The following AFG2A variants were observed in gnomAD, a reference collection of about 807,000 sequenced individuals.
AFG2A encodes ATPase family gene 2 protein homolog A.
chr4:122,983,760 A>G, the AFG2A span, among the ~76,000 whole-genome samples: 1 of 152,148 alleles, frequency 6.6e-6, no homozygotes. Flanking sequence ...TGTGCACTTG[A>G]AAAGAATATG....
chr4:123,141,346 C>T, the AFG2A span, among the ~76,000 whole-genome samples: 10 of 152,158 alleles, frequency 6.6e-5, no homozygotes, highest in Middle Eastern at 3.4e-3. Context: ...GCCTGTAGTC[C>T]CAGCTACTCA....
chr4:123,259,363 G>A, the AFG2A span, among the ~76,000 whole-genome samples: 1 of 152,120 alleles, frequency 6.6e-6, no homozygotes, highest in African/African-American at 2.4e-5. Flanking sequence ...AAACACTTTT[G>A]TAAGCCTCAG....
At chr4:123,309,359 T>A in the AFG2A span, among the ~76,000 whole-genome samples, 1 of 152,220 alleles carries the variant, frequency 6.6e-6, no homozygotes. Context: ...ACCTTCTAGC[T>A]GTGTCCTCAC....
chr4:123,159,034 G>A, the AFG2A span, among the ~76,000 whole-genome samples: 1,008 of 152,316 alleles, frequency 6.6e-3, 12 homozygotes, highest in African/African-American at 0.023. Context: ...ACATGGATTA[G>A]AGAGTGTTTA....
At chr4:123,249,448 T>A in the AFG2A span, among the ~76,000 whole-genome samples, 2 of 152,184 alleles carry the variant, frequency 1.3e-5, no homozygotes, top group African/African-American at 2.4e-5. Context: ...GAACTTGGAC[T>A]TTTTTCTTTG....
At chr4:123,013,456 G>A in the AFG2A span, among the ~76,000 whole-genome samples, 3 of 151,964 alleles carry the variant, frequency 2.0e-5, no homozygotes, top group South Asian at 2.1e-4. Context: ...TCTAGGATAC[G>A]TGTACAGAAT....
the AFG2A span, among the ~76,000 whole-genome samples, chr4:123,303,119 C>G: frequency 8.5e-5 from 13 of 152,156 alleles, no homozygotes; most frequent in Admixed American, 4.6e-4. Context: ...ACTAAAAATA[C>G]TCTGTTTTAT....
the AFG2A span, among the ~76,000 whole-genome samples, chr4:123,293,728 G>T: frequency 6.6e-6 from 1 of 152,156 alleles, no homozygotes; most frequent in Non-Finnish European, 1.5e-5. Flanking sequence ...TCCCCAAATC[G>T]CAATCCACTC....
chr4:123,275,990 G>A, the AFG2A span, among the ~76,000 whole-genome samples: 1 of 152,132 alleles, frequency 6.6e-6, no homozygotes. Flanking sequence ...ATATTCCTTT[G>A]AGTATCTACC....
chr4:122,993,160 G>C, the AFG2A span, among the ~76,000 whole-genome samples: 1 of 150,706 alleles, frequency 6.6e-6, no homozygotes, highest in Non-Finnish European at 1.5e-5. Context: ...TGATTTTTGT[G>C]CTTTTTTTTT....
At chr4:123,219,359 C>A in the AFG2A span, among the ~76,000 whole-genome samples, 2 of 152,192 alleles carry the variant, frequency 1.3e-5, no homozygotes, top group Non-Finnish European at 2.9e-5. Flanking sequence ...TTGGATGGCA[C>A]CTGCATTGAA....
chr4:123,079,894 C>T, the AFG2A span, among the ~76,000 whole-genome samples: 2 of 151,524 alleles, frequency 1.3e-5, no homozygotes, highest in Non-Finnish European at 2.9e-5. Flanking sequence ...GGACTACAGG[C>T]GCCCACTACC....
the AFG2A span, among the ~76,000 whole-genome samples, chr4:123,270,553 C>T: frequency 5.3e-5 from 8 of 152,104 alleles, no homozygotes; most frequent in African/African-American, 1.9e-4. Flanking sequence ...GTTGCTTTCC[C>T]ATTTACTTAT....
At chr4:123,007,064 G>T in the AFG2A span, among the ~76,000 whole-genome samples, 1 of 150,838 alleles carries the variant, frequency 6.6e-6, no homozygotes, top group African/African-American at 2.4e-5. Context: ...GTTGGGAGGT[G>T]GGTTTTTTAA....
chr4:123,220,626 A>C, the AFG2A span, among the ~76,000 whole-genome samples: 13 of 151,320 alleles, frequency 8.6e-5, no homozygotes, highest in Admixed American at 1.3e-4. Flanking sequence ...AAAAAAAAAA[A>C]AAAAAAAAAA....
chr4:123,233,778 T>C, the AFG2A span, among the ~76,000 whole-genome samples: 35 of 152,074 alleles, frequency 2.3e-4, no homozygotes, highest in Non-Finnish European at 4.7e-4. Flanking sequence ...TATGTATACA[T>C]ATATACCTCA....
At chr4:122,969,713 T>G in the AFG2A span, among the ~76,000 whole-genome samples, 8 of 152,190 alleles carry the variant, frequency 5.3e-5, no homozygotes, top group African/African-American at 1.9e-4. Flanking sequence ...CATGAACTTC[T>G]TAGATTCCTT....
At chr4:123,056,375 C>G in the AFG2A span, 1 of 1,608,210 alleles carries the variant, frequency 6.2e-7, no homozygotes, top group Non-Finnish European at 8.5e-7. Flanking sequence ...CAGTTGTTTT[C>G]TTTTCATGCA....
At chr4:122,992,926 G>A in the AFG2A span, among the ~76,000 whole-genome samples, 1 of 139,840 alleles carries the variant, frequency 7.2e-6, no homozygotes, top group South Asian at 2.5e-4. Context: ...GATAACAGCT[G>A]TTAACATTTT....
Sources: gnomAD v4.1 joint callset for allele counts (sites outside exome capture counted in the v4.1 genomes callset) on GRCh38, gnomAD v4.1.1 for gene constraint, MANE v1.5 for transcripts, NCBI Gene and HGNC (gene_info 2026-07-23, HGNC 2026-07-21) for gene names.